Variants in CDC42 observed in about 807,000 individuals in gnomAD.
CDC42 encodes the protein cell division control protein 42 homolog.
CDC42 carries 1 observed loss-of-function variant against 20.8 expected under a neutral mutation model. The observed-to-expected ratio is 0.05, with a 90% CI of 0.02 to 0.23. CDC42 has a LOEUF of 0.23. Ranked by LOEUF, CDC42 falls within the 10% of genes least tolerant of loss-of-function variation. CDC42 has a pLI of 1.00. For synonymous variants in CDC42, 72 were observed against 84.8 expected (o/e 0.85, Z 0.83); for missense variants, 49 against 227.9 (o/e 0.21, Z 5.05).
Position 22,070,787 on chromosome 1 carries a change from G to T in CDC42, c.-50-7642G>T, listed in dbSNP as rs181805966. ...CCTTCTTTGCCTCTTTTTAAAAGTT[G>T]TAAGTTGCTAGCCTATCAGGACAAA... On this transcript the variant is annotated intron_variant, in intron 1 of 5. Coordinates refer to ENST00000656825, the MANE Select transcript of CDC42 (RefSeq NM_001791.4). Among the ~76,000 whole-genome samples the T allele has an allele frequency of 9.5e-3, 1,442 of 151,312 alleles. 22 individuals are homozygous for T. The highest frequency in any genetic ancestry group is 0.033 in the African/African-American group (1,358 of 40,886).
chr1:22,071,106 C>T (rs12083960), intron 1 of CDC42, among the ~76,000 whole-genome samples: 1,978 of 138,478 alleles, frequency 0.014, 28 homozygotes, highest in African/African-American at 0.04. Context: ...TGCAGTGGCG[C>T]GGTCTCGGCT....
In CDC42 at chr1:22,092,418, A is replaced by G. The variant is rs572367732; in HGVS notation, c.*901A>G. On this transcript the variant is annotated 3_prime_UTR_variant, in exon 6 of 6. Transcript: ENST00000656825. ...AAAAAAATTTTTTTCCCTTTCAGTC[A>G]TTGTCTTATATGCTTAGCATAGATT... 1 of 152,694 alleles carries G rather than the reference A, an allele frequency of 6.5e-6. No homozygotes were observed. Among genetic ancestry groups the G allele is most frequent in the Admixed American group, 6.5e-5 (1 of 15,294 alleles). The allele number at this position is 152,694 out of a possible 1,614,324, so 9.5% of individuals were successfully genotyped here.
At chr1:22,084,559 G>A (rs957483991) in intron 3 of CDC42, among the ~76,000 whole-genome samples, 6 of 151,426 alleles carry the variant, frequency 4.0e-5, no homozygotes, top group Admixed American at 2.6e-4. Flanking sequence ...TGTAGATTCC[G>A]GGTATTAATC....
At chr1:22,084,959 C>T (rs536567826) in intron 3 of CDC42, among the ~76,000 whole-genome samples, 8 of 152,116 alleles carry the variant, frequency 5.3e-5, no homozygotes, top group African/African-American at 9.6e-5. Flanking sequence ...AGGCTAGGCA[C>T]GGTGGCTCAC....
At chr1:22,066,970 G>A (rs911986050) in intron 1 of CDC42, among the ~76,000 whole-genome samples, 1 of 152,186 alleles carries the variant, frequency 6.6e-6, no homozygotes, top group African/African-American at 2.4e-5. Flanking sequence ...AGTTGAGGCT[G>A]GAAAATCGCT....
chr1:22,081,674 T>C, intron 2 of CDC42, 48 bp from the exon 3 acceptor site: 2 of 1,194,422 alleles, frequency 1.7e-6, no homozygotes, highest in Non-Finnish European at 2.5e-6. Context: ...CTGTCCCATT[T>C]TAACTCTCTC....
intron 2 of CDC42, among the ~76,000 whole-genome samples, chr1:22,080,400 A>G (rs1645595409): frequency 6.6e-6 from 1 of 152,170 alleles, no homozygotes; most frequent in East Asian, 1.9e-4. Flanking sequence ...TTAAGAACCG[A>G]CTTTCCTTTA....
At chr1:22,062,425 A>G (rs1645376284) in intron 1 of CDC42, among the ~76,000 whole-genome samples, 1 of 152,178 alleles carries the variant, frequency 6.6e-6, no homozygotes, top group Non-Finnish European at 1.5e-5. Flanking sequence ...TGCCTAGGTA[A>G]TGTAGTGACT....
Position 22,078,413 on chromosome 1 carries a change from T to C in CDC42, c.-50-16T>C. On this transcript the variant is annotated splice_polypyrimidine_tract_variant and intron_variant, in intron 1 of 5. Coordinates refer to ENST00000656825, the MANE Select transcript of CDC42 (RefSeq NM_001791.4). ...ATGTAAGTATAAATAAACAAATGTC[T>C]TTAATCTTTTTGCAGGTCATCATCA... The C allele has an allele frequency of 8.1e-7, 1 of 1,230,922 alleles. No homozygotes were observed. The highest frequency in any genetic ancestry group is 1.2e-6 in the Non-Finnish European group (1 of 851,862). 76.2% of individuals were successfully genotyped at this position (1,230,922 alleles called of 1,614,324 possible). A position where few individuals can be genotyped will look rare whatever the true frequency, so the allele number is the denominator to read the frequency against.
intron 1 of CDC42, among the ~76,000 whole-genome samples, chr1:22,073,255 G>A (rs1368918236): frequency 1.3e-5 from 2 of 152,196 alleles, no homozygotes; most frequent in African/African-American, 2.4e-5. Flanking sequence ...ACCTGGAAGA[G>A]GCCAGGTGCA....
At chr1:22,071,046 C>CTTTTTTTT (rs10684040) in intron 1 of CDC42, among the ~76,000 whole-genome samples, 1 of 125,310 alleles carries the variant, frequency 8.0e-6, no homozygotes, top group African/African-American at 3.0e-5. Flanking sequence ...TTTTTTCTTT[C>CTTTTTTTT]TTTTTTTTTT....
intron 3 of CDC42, among the ~76,000 whole-genome samples, chr1:22,084,360 T>TA (rs1553195864): frequency 1.5e-5 from 2 of 137,774 alleles, no homozygotes; most frequent in Admixed American, 7.5e-5. Flanking sequence ...TTTTTTTTTT[T>TA]AATTGTAGCC....
intron 1 of CDC42, among the ~76,000 whole-genome samples, chr1:22,076,168 A>G (rs1456135170): frequency 6.6e-6 from 1 of 152,186 alleles, no homozygotes; most frequent in Non-Finnish European, 1.5e-5. Context: ...TATCAAGAGC[A>G]GGGACTTGAG....
chr1:22,067,894 G>C (rs893240596), intron 1 of CDC42, among the ~76,000 whole-genome samples: 7 of 152,120 alleles, frequency 4.6e-5, no homozygotes, highest in Admixed American at 1.3e-4. Context: ...GACTAGTTAG[G>C]AAAGGTCTCA....
At chr1:22,073,890 A>G (rs140793857) in intron 1 of CDC42, among the ~76,000 whole-genome samples, 15 of 151,736 alleles carry the variant, frequency 9.9e-5, no homozygotes, top group South Asian at 2.1e-4. Context: ...GGTTCAAGCA[A>G]TCTCCCCACC....
chr1:22,068,969 GT>G (rs1426546246), intron 1 of CDC42: 6 of 152,176 alleles, frequency 3.9e-5, no homozygotes, highest in Non-Finnish European at 7.3e-5. Flanking sequence ...TTTATTGTCT[GT>G]GTACCCCACT....
Position 22,100,574 on chromosome 1 carries a change from C to T in CDC42, c.*9057C>T, listed in dbSNP as rs1412689078. Reference sequence around the variant, plus strand: ...GACATGAATTGCTATATGTGAGGTTCTTAGCATAGTGCCTGGCAAGTAGAA... The same window carrying T: ...GACATGAATTGCTATATGTGAGGTTTTTAGCATAGTGCCTGGCAAGTAGAA... On this transcript the variant is annotated 3_prime_UTR_variant, in exon 6 of 6. Transcript: ENST00000656825. 1 of 152,202 alleles carries T rather than the reference C, an allele frequency of 6.6e-6. No individual in the cohort carries two copies. Among genetic ancestry groups the T allele is most frequent in the Non-Finnish European group, 1.5e-5 (1 of 68,040 alleles). 9.4% of individuals were successfully genotyped at this position (152,202 alleles called of 1,614,324 possible).
At position 22,095,815 on chromosome 1, in the gene CDC42, T is replaced by C. The variant is rs1645754171; in HGVS notation, c.*4298T>C. Among the ~76,000 whole-genome samples the C allele has an allele frequency of 6.6e-6, 1 of 152,164 alleles. No homozygotes were observed. The highest frequency in any genetic ancestry group is 2.1e-4 in the South Asian group (1 of 4,826). ...CCTAGTTCCAGAGAGCAGTGGCTGCTTGAGTGTGGACTTGCTTATGGTGGG... is the reference window on the plus strand; with the variant it reads ...CCTAGTTCCAGAGAGCAGTGGCTGCCTGAGTGTGGACTTGCTTATGGTGGG... On this transcript the variant is annotated 3_prime_UTR_variant, in exon 6 of 6. Coordinates refer to ENST00000656825, the MANE Select transcript of CDC42 (RefSeq NM_001791.4).
chr1:22,088,040 A>G (rs1005979298), intron 5 of CDC42, among the ~76,000 whole-genome samples: 3 of 152,184 alleles, frequency 2.0e-5, no homozygotes, highest in Non-Finnish European at 4.4e-5. Context: ...TTTTTTGGGC[A>G]GTTTAGTGCT....
Sources: gnomAD v4.1 joint callset for allele counts (sites outside exome capture counted in the v4.1 genomes callset) on GRCh38, gnomAD v4.1.1 for gene constraint, MANE v1.5 for transcripts, NCBI Gene and HGNC (gene_info 2026-07-23, HGNC 2026-07-21) for gene names.